Variants in NME8 observed in about 807,000 individuals in gnomAD.
The protein encoded by NME8 is NME/NM23 family member 8.
In NME8, 72 loss-of-function variants were observed where a neutral mutation model predicts 82.3. The ratio of observed to expected loss-of-function variants is 0.87; its 90% CI spans 0.72 to 1.06. The LOEUF (loss-of-function observed/expected upper bound fraction) is 1.06, where lower values mean the gene tolerates loss of function less well. Ranked by LOEUF, NME8 falls within the 50% of genes least tolerant of loss-of-function variation. The probability of loss-of-function intolerance (pLI) is 0.00; values close to 1 mark genes in which losing one functional copy is unlikely to be tolerated. For missense variants in NME8, 712 were observed against 685.4 expected, an observed-to-expected ratio of 1.04 and a Z score of -0.43; for synonymous variants, 267 against 228.5, an observed-to-expected ratio of 1.17 and a Z score of -1.52.
intron 12 of NME8, among the ~76,000 whole-genome samples, chr7:37,881,089 C>G (rs1784937781): frequency 6.6e-6 from 1 of 152,074 alleles, no homozygotes; most frequent in Admixed American, 6.5e-5. Context: ...GACAGTCATG[C>G]CCTCTGTGAA....
intron 11 of NME8, among the ~76,000 whole-genome samples, chr7:37,875,069 T>G (rs1401935122): frequency 6.6e-6 from 1 of 152,186 alleles, no homozygotes; most frequent in East Asian, 1.9e-4. Flanking sequence ...AGGAAAGTAC[T>G]GGGCCATCCA....
chr7:37,853,296 T>C (rs1382512372), intron 5 of NME8, among the ~76,000 whole-genome samples: 2 of 152,138 alleles, frequency 1.3e-5, no homozygotes, highest in African/African-American at 4.8e-5. Context: ...TCTCTTGTCA[T>C]TGTAGTTTTT....
intron 11 of NME8, among the ~76,000 whole-genome samples, chr7:37,872,578 T>C (rs1043880582): frequency 6.6e-6 from 1 of 152,214 alleles, no homozygotes; most frequent in Admixed American, 6.5e-5. Flanking sequence ...TGATTTGAAT[T>C]ATAAGTTCAG....
chr7:37,895,153 C>A (rs1562843557), intron 16 of NME8, among the ~76,000 whole-genome samples: 2 of 152,100 alleles, frequency 1.3e-5, no homozygotes, highest in South Asian at 2.1e-4. Flanking sequence ...TTATTCACAT[C>A]TTTTTTTACA....
intron 5 of NME8, among the ~76,000 whole-genome samples, chr7:37,851,454 A>G (rs527529263): frequency 6.6e-6 from 1 of 150,926 alleles, no homozygotes; most frequent in Admixed American, 6.6e-5. Context: ...AATGTTATTA[A>G]AGCTAATTAA....
chr7:37,885,781 C>G (rs2131968508), intron 14 of NME8, among the ~76,000 whole-genome samples: 1 of 152,310 alleles, frequency 6.6e-6, no homozygotes, highest in South Asian at 2.1e-4. Context: ...CTGAGCTTAC[C>G]TGCTAGGCTT....
chr7:37,875,328 T>C (rs1020748522), intron 11 of NME8, among the ~76,000 whole-genome samples: 4 of 152,146 alleles, frequency 2.6e-5, no homozygotes, highest in African/African-American at 9.7e-5. Context: ...TTTGTATTAA[T>C]GTAATATTTC....
chr7:37,884,347 G>C lies in NME8; in HGVS notation c.1039G>C (p.Glu347Gln). 6.3e-7 allele frequency: 1 copy of C among 1,598,294 alleles called. No homozygotes were observed. Among genetic ancestry groups the C allele is most frequent in the Non-Finnish European group, 8.6e-7 (1 of 1,165,750 alleles). The change falls in exon 13 of 18, where the codon GAG (glutamate) becomes CAG (glutamine). Residue 347 changes from glutamate (E) to glutamine (Q), a missense_variant. By Grantham distance (29) the Glu-to-Gln change is conservative (BLOSUM62 2). Transcript: ENST00000199447. ...TAAAGATGAAGACTTCAAAATACTG[G>C]AGCAAAGACAAGTAGTATTATCGGA... is the stretch of plus-strand genomic sequence containing the variant. Reference protein sequence around the residue: ...IIKDEDFKILEQRQVVLSEKE... With the variant: ...IIKDEDFKILQQRQVVLSEKE...
At chr7:37,848,793 G>GGT (rs1195906129) in intron 1 of NME8, 31 bp from the exon 2 acceptor site, 1 of 152,282 alleles carries the variant, frequency 6.6e-6, no homozygotes, top group Non-Finnish European at 1.5e-5. Flanking sequence ...AGATGGGTTG[G>GGT]ACAAAACATT....
At position 37,865,683 on chromosome 7, in the gene NME8, T is replaced by A. The variant is rs143466930; in HGVS notation, c.621+66T>A. 4.6e-4 allele frequency: 511 copies of A among 1,122,664 alleles called. 3 individuals are homozygous for A. The African/African-American group carries it at 7.1e-3, about 16-fold the overall frequency. The allele number at this position is 1,122,664 out of a possible 1,614,324, so 69.5% of individuals were successfully genotyped here. A position where few individuals can be genotyped will look rare whatever the true frequency, so the allele number is the denominator to read the frequency against. On this transcript the variant is annotated intron_variant, in intron 10 of 17. Coordinates refer to ENST00000199447, the MANE Select transcript of NME8 (RefSeq NM_016616.5). Reference sequence around the variant, plus strand: ...TACAGTGGCCTCCATAAGCTTTAAATCTTTATTACAGAAAAGCAAATTAGT... The same window carrying A: ...TACAGTGGCCTCCATAAGCTTTAAAACTTTATTACAGAAAAGCAAATTAGT...
rs1049709939 is a variant in NME8, at chr7:37,900,266, T to C, written c.*38T>C. ...TAGAACTTTGAGAAGATAATACATA[T>C]GTTCACGTCAATATACAACCATTTG... On this transcript the variant is annotated 3_prime_UTR_variant, in exon 18 of 18. Transcript: ENST00000199447. 5.9e-5 allele frequency: 9 copies of C among 152,210 alleles called. No individual in the cohort carries two copies. The highest frequency in any genetic ancestry group is 2.2e-4 in the African/African-American group (9 of 41,454). The allele number at this position is 152,210 out of a possible 1,614,324, so 9.4% of individuals were successfully genotyped here. A position where few individuals can be genotyped will look rare whatever the true frequency, so the allele number is the denominator to read the frequency against.
Position 37,869,283 on chromosome 7 carries a change from T to A in NME8, c.818+1385T>A, listed in dbSNP as rs181692827. Among the ~76,000 whole-genome samples, 8 of 152,300 alleles carry A rather than the reference T, an allele frequency of 5.3e-5. No individual in the cohort carries two copies. The East Asian group carries it at 1.5e-3, about 29-fold the overall frequency. On this transcript the variant is annotated intron_variant, in intron 11 of 17. Transcript: ENST00000199447. Reference sequence around the variant, plus strand: ...GTAAATCCTGCTGGCAAGGAGCTTTTTAAACAGTAGCAGTTACTTTCAGGG... The same window carrying A: ...GTAAATCCTGCTGGCAAGGAGCTTTATAAACAGTAGCAGTTACTTTCAGGG...
At chr7:37,896,770 G>C in intron 16 of NME8, 100 bp from the exon 17 acceptor site, 1 of 946,522 alleles carries the variant, frequency 1.1e-6, no homozygotes. Flanking sequence ...GAATAAAAAG[G>C]AGCTCCCTGG....
At chr7:37,870,556 T>C (rs572393655) in intron 11 of NME8, among the ~76,000 whole-genome samples, 1 of 139,320 alleles carries the variant, frequency 7.2e-6, no homozygotes, top group African/African-American at 2.8e-5. Flanking sequence ...GCCACTGCAC[T>C]CCAGCCTGGG....
rs1204911172 is a variant in NME8 at position 37,870,318 on chromosome 7, C to T, written c.818+2420C>T. Reference sequence around the variant, plus strand: ...AAAGTTTACCAATTTGAGCCGGGTGCGGTGGCTCATGCTTGTAATCCCAGC... The same window carrying T: ...AAAGTTTACCAATTTGAGCCGGGTGTGGTGGCTCATGCTTGTAATCCCAGC... On this transcript the variant is annotated intron_variant, in intron 11 of 17. Coordinates refer to ENST00000199447, the MANE Select transcript of NME8 (RefSeq NM_016616.5). 4.0e-5 allele frequency among the ~76,000 whole-genome samples: 6 copies of T among 151,848 alleles called. No homozygotes were observed. In the East Asian group the frequency reaches 5.8e-4, roughly 15 times the overall value.
At chr7:37,863,792 G>T (rs1784633848) in intron 8 of NME8, among the ~76,000 whole-genome samples, 1 of 152,062 alleles carries the variant, frequency 6.6e-6, no homozygotes, top group Admixed American at 6.6e-5. Context: ...CTTCCTTGAT[G>T]ACCCATACTC....
At chr7:37,881,047 G>C (rs1784936752) in intron 12 of NME8, among the ~76,000 whole-genome samples, 1 of 152,132 alleles carries the variant, frequency 6.6e-6, no homozygotes, top group African/African-American at 2.4e-5. Context: ...TATTGACAAT[G>C]ATGATGATGA....
intron 2 of NME8, 65 bp from the exon 3 acceptor site, chr7:37,850,195 A>G (rs1483691342): frequency 1.6e-6 from 2 of 1,251,364 alleles, no homozygotes; most frequent in Non-Finnish European, 2.3e-6. Flanking sequence ...TGTTATTTGC[A>G]TGCATAAAGA....
At chr7:37,897,584 C>A (rs779076059) in intron 17 of NME8, among the ~76,000 whole-genome samples, 1 of 152,054 alleles carries the variant, frequency 6.6e-6, no homozygotes, top group Non-Finnish European at 1.5e-5. Context: ...ATGCGCAGAA[C>A]GTGCAGGTTT....
Sources: gnomAD v4.1 joint callset for allele counts (sites outside exome capture counted in the v4.1 genomes callset) on GRCh38, gnomAD v4.1.1 for gene constraint, MANE v1.5 for transcripts, NCBI Gene and HGNC (gene_info 2026-07-23, HGNC 2026-07-21) for gene names.